Variants in SGSM2 observed in about 807,000 individuals in gnomAD.
The protein encoded by SGSM2 is RUN and TBC1 domain containing 1.
In SGSM2, 89 loss-of-function variants were observed where a neutral mutation model predicts 126.6. The observed-to-expected ratio is 0.70, with a 90% confidence interval of 0.59 to 0.84. The LOEUF (loss-of-function observed/expected upper bound fraction) is 0.84. Among genes scored for constraint, SGSM2 ranks in the 40% least tolerant of loss-of-function variants. SGSM2 has a pLI of 0.00. For synonymous variants in SGSM2, 614 were observed against 574.3 expected, an observed-to-expected ratio of 1.07 and a Z score of -0.99; for missense variants, 1,404 against 1,416.6, an observed-to-expected ratio of 0.99 and a Z score of 0.14.
In SGSM2 at chr17:2,362,537, C is replaced by A. The variant is rs187148265; in HGVS notation, c.458+267C>A. Among the ~76,000 whole-genome samples, 2 of 152,050 alleles carry A rather than the reference C, an allele frequency of 1.3e-5. No homozygotes were observed. Among genetic ancestry groups the A allele is most frequent in the Admixed American group, 1.3e-4 (2 of 15,258 alleles). ...CCCGTTCCCCAAAAACTGCAGGTGA[C>A]CGCCTCGTTCCCCAAGCAGCCCCTC... On this transcript the variant is annotated intron_variant, in intron 4 of 23. Coordinates refer to ENST00000268989, the MANE Select transcript of SGSM2 (RefSeq NM_014853.3). This position sits in a 1 kb window ranked among gnomAD's most constrained non-coding sequence, Gnocchi z 4.9.
At chr17:2,341,752 A>G (rs1224762006) in intron 1 of SGSM2, among the ~76,000 whole-genome samples, 2 of 152,242 alleles carry the variant, frequency 1.3e-5, no homozygotes, top group Non-Finnish European at 2.9e-5. Flanking sequence ...AACCACCAGA[A>G]CCTCATACAT....
chr17:2,364,559 C>T (rs2151576196), intron 8 of SGSM2, 37 bp from the exon 9 acceptor site: 2 of 1,609,382 alleles, frequency 1.2e-6, no homozygotes, highest in Non-Finnish European at 1.7e-6. Context: ...GATGGCAGGT[C>T]TTTGGACACA....
chr17:2,346,627 C>T (rs1246884839), intron 2 of SGSM2, among the ~76,000 whole-genome samples: 2 of 151,842 alleles, frequency 1.3e-5, no homozygotes, highest in East Asian at 1.9e-4. Flanking sequence ...TAGGCCCCTG[C>T]GAGTAGAAAC....
chr17:2,347,929 C>T (rs952054266), intron 2 of SGSM2, among the ~76,000 whole-genome samples: 2 of 152,160 alleles, frequency 1.3e-5, no homozygotes, highest in Admixed American at 6.5e-5. Flanking sequence ...AGCCTCCCCA[C>T]CCCCCAGGGA....
rs759247430 is a variant in SGSM2 at position 2,363,446 on chromosome 17, G to A, written c.673-19G>A. The A allele has an allele frequency of 1.2e-4, 186 of 1,612,314 alleles. No homozygotes were observed. Among genetic ancestry groups the A allele is most frequent in the Middle Eastern group, 5.0e-4 (3 of 6,042 alleles). On this transcript the variant is annotated intron_variant, in intron 6 of 23. Coordinates refer to ENST00000268989, the MANE Select transcript of SGSM2 (RefSeq NM_014853.3). The surrounding 1 kb of genome is among the most constrained non-coding windows in gnomAD (Gnocchi z 4.2). ...CCAGTTTCCCAAGGCTGGAGGCTGA[G>A]CCCCGGCCTTCCACACAGATCCGGA... is the stretch of plus-strand genomic sequence containing the variant.
chr17:2,369,073 A>C (rs951972786), intron 12 of SGSM2, among the ~76,000 whole-genome samples: 1 of 152,144 alleles, frequency 6.6e-6, no homozygotes, highest in African/African-American at 2.4e-5. Flanking sequence ...CCTAGTATAG[A>C]GCTTCTGGGC....
intron 11 of SGSM2, chr17:2,366,556 C>G (rs1301309856): frequency 1.3e-5 from 2 of 152,344 alleles, no homozygotes; most frequent in African/African-American, 4.8e-5. Flanking sequence ...GGATGTCCCC[C>G]CTTCCCAGAT....
chr17:2,357,193 C>T (rs977549406), intron 2 of SGSM2, among the ~76,000 whole-genome samples: 1 of 152,050 alleles, frequency 6.6e-6, no homozygotes, highest in Non-Finnish European at 1.5e-5. Context: ...GGCTCCAGAC[C>T]TTTGTAGGGG....
chr17:2,379,373 C>T, intron 23 of SGSM2, 59 bp from the exon 24 acceptor site: 2 of 1,577,818 alleles, frequency 1.3e-6, no homozygotes, highest in South Asian at 1.1e-5. Context: ...TAGTCAGCCA[C>T]CTCCTAGCCT....
In SGSM2 at chr17:2,380,191, C is replaced by G. The variant is rs1353967051; in HGVS notation, c.*671C>G. Reference sequence around the variant, plus strand: ...ACCTGAGGTGACCCCCAGGCCTCCCCGGCCTTGTACAGTGTACCTCTGTGT... The same window carrying G: ...ACCTGAGGTGACCCCCAGGCCTCCCGGGCCTTGTACAGTGTACCTCTGTGT... On this transcript the variant is annotated 3_prime_UTR_variant, in exon 24 of 24. Coordinates refer to ENST00000268989, the MANE Select transcript of SGSM2 (RefSeq NM_014853.3). 7 of 1,515,746 alleles carry G rather than the reference C, an allele frequency of 4.6e-6. No individual in the cohort carries two copies. The highest frequency in any genetic ancestry group is 5.3e-6 in the Non-Finnish European group (6 of 1,134,494). The allele number at this position is 1,515,746 out of a possible 1,614,324, so 93.9% of individuals were successfully genotyped here. A position where few individuals can be genotyped will look rare whatever the true frequency, so the allele number is the denominator to read the frequency against.
chr17:2,349,119 C>T (rs1000694422), intron 2 of SGSM2, among the ~76,000 whole-genome samples: 7 of 151,770 alleles, frequency 4.6e-5, no homozygotes, highest in East Asian at 2.0e-4. Context: ...CTCACGCCTG[C>T]AATCCCAGCA....
intron 2 of SGSM2, among the ~76,000 whole-genome samples, chr17:2,344,646 G>A (rs1326593525): frequency 6.6e-6 from 1 of 152,142 alleles, no homozygotes; most frequent in Non-Finnish European, 1.5e-5. Flanking sequence ...AGACAGACAG[G>A]AAACAAATGC....
chr17:2,376,524 G>A lies in SGSM2; in HGVS notation c.2610-209G>A, dbSNP rs112430514. On this transcript the variant is annotated intron_variant, in intron 19 of 23. Coordinates refer to ENST00000268989, the MANE Select transcript of SGSM2 (RefSeq NM_014853.3). ...CCCCGCCCCACATACCAAGCGTGAC[G>A]GCCTTGGCTCTCCCTAAGTCGGAGT... 8.5e-4 allele frequency: 577 copies of A among 678,322 alleles called. 2 individuals carry two copies. The highest frequency in any genetic ancestry group is 8.4e-3 in the African/African-American group (466 of 55,588). The allele number at this position is 678,322 out of a possible 1,614,324, so 42.0% of individuals were successfully genotyped here.
chr17:2,341,443 T>C (rs985288643), intron 1 of SGSM2, among the ~76,000 whole-genome samples: 1 of 152,236 alleles, frequency 6.6e-6, no homozygotes, highest in African/African-American at 2.4e-5. Flanking sequence ...CCCTTTTACC[T>C]GAGCACTAAC....
Position 2,380,028 on chromosome 17 carries a change from C to T in SGSM2, c.*508C>T, listed in dbSNP as rs1335765540. 29 of 1,406,822 alleles carry T rather than the reference C, an allele frequency of 2.1e-5. No individual in the cohort carries two copies. Among genetic ancestry groups the T allele is most frequent in the South Asian group, 6.3e-5 (4 of 63,632 alleles). 87.1% of individuals were successfully genotyped at this position (1,406,822 alleles called of 1,614,324 possible). A position where few individuals can be genotyped will look rare whatever the true frequency, so the allele number is the denominator to read the frequency against. On this transcript the variant is annotated 3_prime_UTR_variant, in exon 24 of 24. Coordinates refer to ENST00000268989, the MANE Select transcript of SGSM2 (RefSeq NM_014853.3). ...CAAAACTGCTTCTGGTTTAGGCACA[C>T]GTCACGGGTGCGGGAGACCCGGGCA... is the stretch of plus-strand genomic sequence containing the variant.
Position 2,375,672 on chromosome 17 carries a change from G to A in SGSM2, c.2281G>A (p.Ala761Thr), listed in dbSNP as rs2066101375. Residue 761 changes from alanine (A) to threonine (T), a missense_variant, in exon 18 of 24, where the codon GCC becomes ACC. Physicochemically the swap from Ala to Thr is moderately conservative, Grantham distance 58. Transcript: ENST00000268989. ...GLPSSRNYSV[A>T]SGIQSSLDEG... ...GCCCTCCTCTCGCAATTACTCCGTG[G>A]CCTCGGGCATCCAGTCAAGCCTAGA... The A allele has an allele frequency of 1.2e-6, 2 of 1,613,840 alleles. No homozygotes were observed. Among genetic ancestry groups the A allele is most frequent in the Non-Finnish European group, 1.7e-6 (2 of 1,179,990 alleles).
Position 2,372,112 on chromosome 17 carries a change from CAG to C in SGSM2, c.1578-75_1578-74del, listed in dbSNP as rs1195851039. ...CCAGTGCCTTACCTGCCCCCCAGGA[CAG>C]AGCCTCCTCCCTTCTCTCTCTCCTC... On this transcript the variant is annotated intron_variant, in intron 13 of 23. Coordinates refer to ENST00000268989, the MANE Select transcript of SGSM2 (RefSeq NM_014853.3). The surrounding 1 kb of genome is among the most constrained non-coding windows in gnomAD (Gnocchi z 6.0). 1 of 1,549,102 alleles carries C rather than the reference CAG, an allele frequency of 6.5e-7. No individual in the cohort carries two copies. The highest frequency in any genetic ancestry group is 1.4e-5 in the African/African-American group (1 of 73,758).
chr17:2,370,314 TC>T, intron 12 of SGSM2, among the ~76,000 whole-genome samples: 1 of 152,146 alleles, frequency 6.6e-6, no homozygotes, highest in Non-Finnish European at 1.5e-5. Flanking sequence ...CCTGCCAGAG[TC>T]CCCCTTAAGC....
chr17:2,377,943 T>C lies in SGSM2; in HGVS notation c.2889T>C (p.Asp963=). 6.2e-7 allele frequency: 1 copy of C among 1,608,402 alleles called. No homozygotes were observed. Among genetic ancestry groups the C allele is most frequent in the Non-Finnish European group, 8.5e-7 (1 of 1,175,000 alleles). Residue 963 remains aspartate, a synonymous_variant, in exon 22 of 24, where the codon GAT becomes GAC. Transcript: ENST00000268989. ...TCTGTTATCGCTGGTTCCTGCTGGA[T>C]TTTAAGAGAGGTAAGAAGTGGGTTG... is the stretch of plus-strand genomic sequence containing the variant. The part of the protein sequence containing the change: ...FYFCYRWFLL[D]FKRELLYEDV...
Sources: allele counts gnomAD v4.1 joint callset (sites outside exome capture counted in the v4.1 genomes callset), GRCh38; gene constraint gnomAD v4.1.1; non-coding constraint Gnocchi (gnomAD v3.1); transcripts MANE v1.5; gene names NCBI Gene and HGNC (gene_info 2026-07-23, HGNC 2026-07-21).